The following SYNPO2 variants were observed in gnomAD, a reference collection of about 807,000 sequenced individuals.
SYNPO2 encodes the protein synaptopodin-2.
SYNPO2 carries 56 observed loss-of-function variants against 85.0 expected under a neutral mutation model. The ratio of observed to expected loss-of-function variants is 0.66; its 90% CI spans 0.53 to 0.82. SYNPO2 has a LOEUF of 0.82. Among genes scored for constraint, SYNPO2 ranks in the 40% least tolerant of loss-of-function variants. SYNPO2 has a pLI of 0.00. For missense variants in SYNPO2, 1,575 were observed against 1,534.2 expected (o/e 1.03, Z -0.44); for synonymous variants, 602 against 591.1 (o/e 1.02, Z -0.27).
chr4:118,902,201 C>T (rs1338255546), intron 1 of SYNPO2, among the ~76,000 whole-genome samples: 1 of 152,180 alleles, frequency 6.6e-6, no homozygotes, highest in Non-Finnish European at 1.5e-5. Flanking sequence ...TTAAGAACAA[C>T]TTTGCAATGT....
intron 1 of SYNPO2, among the ~76,000 whole-genome samples, chr4:119,002,937 T>C (rs1196017915): frequency 6.6e-6 from 1 of 152,168 alleles, no homozygotes; most frequent in Non-Finnish European, 1.5e-5. Flanking sequence ...TTATAAGAAA[T>C]TTTCTTGAAT....
chr4:118,934,559 C>T (rs12507682), intron 1 of SYNPO2, among the ~76,000 whole-genome samples: 2,933 of 152,264 alleles, frequency 0.019, 183 homozygotes, highest in East Asian at 0.19. Flanking sequence ...CTTAGCCTAG[C>T]TTCAAACCCC....
At chr4:118,928,560 A>T (rs951165665) in intron 1 of SYNPO2, among the ~76,000 whole-genome samples, 1 of 152,144 alleles carries the variant, frequency 6.6e-6, no homozygotes, top group African/African-American at 2.4e-5. Flanking sequence ...AGTGGCACCC[A>T]CATATTTGCA....
At chr4:119,047,542 T>G (rs1396238843) in intron 4 of SYNPO2, among the ~76,000 whole-genome samples, 1 of 145,064 alleles carries the variant, frequency 6.9e-6, no homozygotes, top group African/African-American at 2.6e-5. Context: ...TTCCAAAAAC[T>G]CCAGTTAGTG....
At chr4:118,942,461 C>T (rs143092249) in intron 1 of SYNPO2, among the ~76,000 whole-genome samples, 1 of 152,244 alleles carries the variant, frequency 6.6e-6, no homozygotes, top group African/African-American at 2.4e-5. Context: ...TCGTGTTTCA[C>T]CTGGAAAGCA....
At chr4:118,945,074 A>T (rs983911262) in intron 1 of SYNPO2, among the ~76,000 whole-genome samples, 2 of 152,224 alleles carry the variant, frequency 1.3e-5, no homozygotes, top group African/African-American at 4.8e-5. Flanking sequence ...TTAAATGGTA[A>T]TGAAGTACAG....
At chr4:118,870,927 A>G (rs1731788198) in intron 1 of SYNPO2, among the ~76,000 whole-genome samples, 1 of 152,208 alleles carries the variant, frequency 6.6e-6, no homozygotes, top group Non-Finnish European at 1.5e-5. Flanking sequence ...TGTTTAAAAA[A>G]TCTTATTTAT....
chr4:118,965,300 G>T (rs1468818935), intron 1 of SYNPO2, among the ~76,000 whole-genome samples: 3 of 151,924 alleles, frequency 2.0e-5, no homozygotes, highest in African/African-American at 7.3e-5. Context: ...CCCAACCAGG[G>T]CCTTCTCACT....
chr4:118,858,365 C>A (rs1455833452), intron 1 of SYNPO2, among the ~76,000 whole-genome samples: 3 of 152,156 alleles, frequency 2.0e-5, no homozygotes, highest in South Asian at 2.1e-4. Context: ...AGGGAACTTT[C>A]AACACTTTAA....
chr4:119,026,709 GA>G lies in SYNPO2; in HGVS notation c.343del (p.Ser115ValfsTer28). The G allele has an allele frequency of 6.2e-7, 1 of 1,614,130 alleles. No individual in the cohort carries two copies. The stretch of plus-strand genomic sequence containing the variant: ...GCATCTCACACATGGGGGTTATGTG[GA>G]AAGTACCACCCTGCAGATTCGACCG... ...LEHLTHGGYV[E>X]STTLQIRPAT... On this transcript the variant is annotated frameshift_variant, in exon 3 of 5. Coordinates refer to ENST00000307142, the MANE Select transcript of SYNPO2 (RefSeq NM_133477.3). LOFTEE classifies it high-confidence loss of function.
At chr4:118,940,844 C>T (rs190395993) in intron 1 of SYNPO2, among the ~76,000 whole-genome samples, 2 of 152,174 alleles carry the variant, frequency 1.3e-5, no homozygotes, top group Non-Finnish European at 2.9e-5. Context: ...TCTCCTGTCA[C>T]CCCCATCTCG....
intron 4 of SYNPO2, chr4:119,042,166 CCT>C (rs1398357977): frequency 6.6e-6 from 1 of 152,146 alleles, no homozygotes; most frequent in Non-Finnish European, 1.5e-5. Context: ...ACTCTCCTTC[CCT>C]CTCAGTGCTT....
chr4:118,988,187 T>C, intron 1 of SYNPO2, among the ~76,000 whole-genome samples: 1 of 152,246 alleles, frequency 6.6e-6, no homozygotes, highest in Non-Finnish European at 1.5e-5. Flanking sequence ...TATTTGCCAG[T>C]ACTTCTAACA....
In SYNPO2 at chr4:119,058,031, T is replaced by C; in HGVS notation, c.*97T>C. On this transcript the variant is annotated 3_prime_UTR_variant, in exon 5 of 5. Coordinates refer to ENST00000307142, the MANE Select transcript of SYNPO2 (RefSeq NM_133477.3). ...TTTCTAATAGATTTAGATTCACTTT[T>C]GGTCTTGGCTTGTTCTCATAAGTCA... The C allele has an allele frequency of 1.5e-6, 2 of 1,360,028 alleles. No homozygotes were observed. The highest frequency in any genetic ancestry group is 2.0e-6 in the Non-Finnish European group (2 of 1,009,126). 84.2% of individuals were successfully genotyped at this position (1,360,028 alleles called of 1,614,324 possible). A position where few individuals can be genotyped will look rare whatever the true frequency, so the allele number is the denominator to read the frequency against.
chr4:119,001,528 T>C (rs1185884176), intron 1 of SYNPO2, among the ~76,000 whole-genome samples: 1 of 152,188 alleles, frequency 6.6e-6, no homozygotes, highest in East Asian at 1.9e-4. Flanking sequence ...CTTTTATTTG[T>C]CCAGAGTTTA....
chr4:119,045,603 C>T (rs937329237), intron 4 of SYNPO2, among the ~76,000 whole-genome samples: 7 of 152,078 alleles, frequency 4.6e-5, no homozygotes, highest in African/African-American at 7.2e-5. Context: ...CTTTTTCTAC[C>T]GTGGGAATCT....
At chr4:118,859,987 C>G (rs1411694936) in intron 1 of SYNPO2, among the ~76,000 whole-genome samples, 1 of 152,042 alleles carries the variant, frequency 6.6e-6, no homozygotes, top group Non-Finnish European at 1.5e-5. Context: ...TTATGAGGAC[C>G]TCCAGACTGT....
chr4:118,965,548 T>C lies in SYNPO2; in HGVS notation c.106-57882T>C, dbSNP rs141518655. Among the ~76,000 whole-genome samples the C allele has an allele frequency of 4.4e-3, 667 of 152,298 alleles. 4 individuals carry two copies. Among genetic ancestry groups the C allele is most frequent in the African/African-American group, 0.015 (643 of 41,574 alleles). On this transcript the variant is annotated intron_variant, in intron 1 of 4. Transcript: ENST00000307142. Reference sequence around the variant, plus strand: ...CATCTTGGTGCTTGGGCAAGGAGACTTTTATGTTCCAGGATCTACTGTCTA... The same window carrying C: ...CATCTTGGTGCTTGGGCAAGGAGACCTTTATGTTCCAGGATCTACTGTCTA...
At chr4:118,976,352 G>C (rs13111284) in intron 1 of SYNPO2, among the ~76,000 whole-genome samples, 23,210 of 152,178 alleles carry the variant, frequency 0.15, 2,067 homozygotes, top group East Asian at 0.28. Flanking sequence ...TGAAGCTGCA[G>C]ATCTTCGCGG....
Sources: gnomAD v4.1 joint callset for allele counts (sites outside exome capture counted in the v4.1 genomes callset) on GRCh38, gnomAD v4.1.1 for gene constraint, MANE v1.5 for transcripts, NCBI Gene and HGNC (gene_info 2026-07-23, HGNC 2026-07-21) for gene names.